Variants in PDE4D observed in about 807,000 individuals in gnomAD.
The protein encoded by PDE4D is phosphodiesterase 4D.
Under a neutral mutation model 87.4 loss-of-function variants are expected in PDE4D, and 24 were observed. The observed-to-expected ratio is 0.27, with a 90% CI of 0.20 to 0.39. The LOEUF is 0.39. Among genes scored for constraint, PDE4D ranks in the 10% least tolerant of loss-of-function variants. The pLI, the probability that PDE4D is intolerant of heterozygous loss-of-function variation, is 1.00. For missense variants in PDE4D, 714 were observed against 1,041.0 expected, an observed-to-expected ratio of 0.69 and a Z score of 4.32; for synonymous variants, 384 against 383.2, an observed-to-expected ratio of 1.00 and a Z score of -0.02.
At chr5:60,429,836 T>A in intron 1 of PDE4D, 1 of 333,850 alleles carries the variant, frequency 3.0e-6, no homozygotes, top group East Asian at 7.9e-5. Flanking sequence ...GTGGATTAGT[T>A]TTTTTTTTTT....
intron 1 of PDE4D, among the ~76,000 whole-genome samples, chr5:59,661,074 T>TTATATATATATATA (rs3062479): frequency 0.012 from 1,674 of 139,906 alleles, 29 homozygotes; most frequent in African/African-American, 0.039. Context: ...CATGATAATA[T>TTATATATATATATA]TATATATATA....
chr5:59,669,619 C>T (rs944312420), intron 1 of PDE4D, among the ~76,000 whole-genome samples: 1 of 152,078 alleles, frequency 6.6e-6, no homozygotes, highest in Non-Finnish European at 1.5e-5. Context: ...ATAATAGGAA[C>T]CATGGACTTG....
chr5:59,426,087 C>T (rs11949324), intron 1 of PDE4D, among the ~76,000 whole-genome samples: 30,104 of 151,970 alleles, frequency 0.2, 4,687 homozygotes, highest in African/African-American at 0.43. Context: ...GCGATGCCTG[C>T]GCACAGAGGA....
chr5:59,855,688 A>T lies in PDE4D; in HGVS notation c.455+37480T>A, dbSNP rs184982951. On this transcript the variant is annotated intron_variant, in intron 1 of 14. Transcript: ENST00000340635. ...CTAGTCTCATAATTTTATATCCTCA[A>T]TGTATTCTTAGGAGGCAGGAAGAAG... 3.4e-4 allele frequency among the ~76,000 whole-genome samples: 52 copies of T among 152,298 alleles called. 1 individual carries two copies. In the East Asian group the frequency reaches 9.7e-3, roughly 28 times the overall value.
At chr5:59,785,454 A>G (rs1464822221) in intron 1 of PDE4D, among the ~76,000 whole-genome samples, 1 of 152,232 alleles carries the variant, frequency 6.6e-6, no homozygotes, top group Non-Finnish European at 1.5e-5. Context: ...GAAAAAGCAC[A>G]AAGATATATA....
At chr5:60,450,117 T>C (rs1037041626) in intron 1 of PDE4D, among the ~76,000 whole-genome samples, 2 of 150,332 alleles carry the variant, frequency 1.3e-5, no homozygotes, top group African/African-American at 2.4e-5. Context: ...GAAGTTCACA[T>C]ACCATAATTT....
chr5:59,232,380 A>G (rs1480826270), intron 1 of PDE4D, among the ~76,000 whole-genome samples: 2 of 152,158 alleles, frequency 1.3e-5, no homozygotes, highest in Non-Finnish European at 2.9e-5. Flanking sequence ...GGACATGAAG[A>G]CATTTCTCAA....
chr5:59,282,407 G>C (rs777898567), intron 1 of PDE4D, among the ~76,000 whole-genome samples: 7 of 151,904 alleles, frequency 4.6e-5, no homozygotes, highest in Non-Finnish European at 8.8e-5. Flanking sequence ...TTGGGAGGCC[G>C]AGACGGGTGG....
At chr5:59,899,366 A>G (rs1213964228) in intron 3 of PDE4D, among the ~76,000 whole-genome samples, 1 of 152,106 alleles carries the variant, frequency 6.6e-6, no homozygotes, top group East Asian at 1.9e-4. Context: ...TTCTGGAGAT[A>G]AAAAAGTCAA....
chr5:59,725,063 G>C (rs1286938684), intron 1 of PDE4D, among the ~76,000 whole-genome samples: 2 of 152,036 alleles, frequency 1.3e-5, no homozygotes, highest in African/African-American at 2.4e-5. Flanking sequence ...CCTTAAGACT[G>C]ACTATCTCTC....
Position 60,089,613 on chromosome 5 carries a change from C to T in PDE4D, c.42+95944G>A, listed in dbSNP as rs575107170. Among the ~76,000 whole-genome samples the T allele has an allele frequency of 2.6e-5, 4 of 151,574 alleles. No homozygotes were observed. The East Asian group carries it at 7.7e-4, about 29-fold the overall frequency. Reference sequence around the variant, plus strand: ...AGTAGAAAGACTTCAAACAAACAACCTAACATTGTACTTCAAGGAACTAAA... The same window carrying T: ...AGTAGAAAGACTTCAAACAAACAACTTAACATTGTACTTCAAGGAACTAAA... On this transcript the variant is annotated intron_variant, in intron 2 of 16. Transcript: ENST00000502484.
intron 3 of PDE4D, among the ~76,000 whole-genome samples, chr5:59,974,517 C>T (rs1459885936): frequency 6.6e-6 from 1 of 152,122 alleles, no homozygotes; most frequent in Non-Finnish European, 1.5e-5. Flanking sequence ...AGCTCCTATT[C>T]TCCAATAGAT....
In PDE4D at chr5:58,987,917, A is replaced by G. The variant is rs991377563; in HGVS notation, c.1552+576T>C. On this transcript the variant is annotated intron_variant, in intron 11 of 14. Coordinates refer to ENST00000340635, the MANE Select transcript of PDE4D (RefSeq NM_001104631.2). ...TGTGCGGCAATGTCAGAGATGCTCC[A>G]TATTAAACAGTCTCTACTATTCCTT... Among the ~76,000 whole-genome samples, 54 of 152,306 alleles carry G rather than the reference A, an allele frequency of 3.5e-4. 1 individual carries two copies. The highest frequency in any genetic ancestry group is 1.3e-3 in the African/African-American group (53 of 41,580).
intron 1 of PDE4D, among the ~76,000 whole-genome samples, chr5:59,601,909 C>G (rs1827565197): frequency 6.6e-6 from 1 of 152,028 alleles, no homozygotes; most frequent in Non-Finnish European, 1.5e-5. Context: ...TGGAATACTT[C>G]CAAACTCATT....
In PDE4D at chr5:59,979,849, T is replaced by G. The variant is rs140745090; in HGVS notation, c.272+8639A>C. The stretch of plus-strand genomic sequence containing the variant: ...GAATTTTTTTTTGGTTGGGGGGAAG[T>G]GTGTTTAACCCAAGAAGTGATATAT... On this transcript the variant is annotated intron_variant, in intron 3 of 16. Transcript: ENST00000502484. 4.1e-3 allele frequency among the ~76,000 whole-genome samples: 617 copies of G among 152,160 alleles called. 7 individuals carry two copies. Among genetic ancestry groups the G allele is most frequent in the African/African-American group, 0.014 (579 of 41,530 alleles).
intron 1 of PDE4D, among the ~76,000 whole-genome samples, chr5:59,676,098 TACACACACAC>T (rs145556614): frequency 2.2e-4 from 33 of 149,932 alleles, no homozygotes; most frequent in African/African-American, 7.7e-4. Flanking sequence ...TATATGTATA[TACACACACAC>T]ACACACACAC....
At chr5:60,194,892 A>C (rs1741021763) in intron 1 of PDE4D, among the ~76,000 whole-genome samples, 1 of 151,624 alleles carries the variant, frequency 6.6e-6, no homozygotes, top group South Asian at 2.1e-4. Context: ...CTACAGCATA[A>C]AGTCCAAATA....
intron 1 of PDE4D, among the ~76,000 whole-genome samples, chr5:59,869,161 A>G (rs552360008): frequency 1.1e-3 from 170 of 152,300 alleles, no homozygotes; most frequent in African/African-American, 4.0e-3. Flanking sequence ...AAAATCTCAT[A>G]AGCTGCTATG....
At chr5:60,332,708 T>C (rs959680716) in intron 1 of PDE4D, among the ~76,000 whole-genome samples, 1 of 152,242 alleles carries the variant, frequency 6.6e-6, no homozygotes, top group Non-Finnish European at 1.5e-5. Flanking sequence ...GAATTATTAA[T>C]CACTCAATTC....
Sources: allele counts gnomAD v4.1 joint callset (sites outside exome capture counted in the v4.1 genomes callset), GRCh38; gene constraint gnomAD v4.1.1; transcripts MANE v1.5; gene names NCBI Gene and HGNC (gene_info 2026-07-23, HGNC 2026-07-21).